PROM1: variants seen among roughly 807,000 people sequenced by gnomAD.
The protein encoded by PROM1 is prominin-1.
PROM1 carries 105 observed loss-of-function variants against 116.9 expected under a neutral mutation model. That is an observed-to-expected ratio of 0.90 (90% confidence interval 0.77 to 1.06). PROM1 has a LOEUF of 1.06. PROM1 is among the 50% of genes least tolerant of loss of function. PROM1 has a pLI of 0.00. For synonymous variants in PROM1, 393 were observed against 387.0 expected, an observed-to-expected ratio of 1.02 and a Z score of -0.18; for missense variants, 1,122 against 1,045.2, an observed-to-expected ratio of 1.07 and a Z score of -1.01.
intron 2 of PROM1, among the ~76,000 whole-genome samples, chr4:16,056,168 C>G (rs1205123642): frequency 6.6e-6 from 1 of 152,170 alleles, no homozygotes; most frequent in African/African-American, 2.4e-5. Context: ...GAGAGTCCAG[C>G]TGGCACAGTC....
At chr4:16,059,000 C>T (rs1739678998) in intron 2 of PROM1, among the ~76,000 whole-genome samples, 1 of 152,180 alleles carries the variant, frequency 6.6e-6, no homozygotes, top group Non-Finnish European at 1.5e-5. Flanking sequence ...CTAAACTCCA[C>T]TGAGTAATAC....
At chr4:15,997,309 CATAT>C (rs143329386) in intron 15 of PROM1, among the ~76,000 whole-genome samples, 97,081 of 142,484 alleles carry the variant, frequency 0.68, 33,060 homozygotes, top group African/African-American at 0.7. Flanking sequence ...GAAATGCAAA[CATAT>C]ATATATATAT....
At chr4:15,992,883 T>A (rs1230139750) in intron 16 of PROM1, among the ~76,000 whole-genome samples, 1 of 152,118 alleles carries the variant, frequency 6.6e-6, no homozygotes, top group Non-Finnish European at 1.5e-5. Context: ...GAACAGTGTT[T>A]AGTTACTTGG....
chr4:16,075,253 T>C (rs1004964626), intron 2 of PROM1, among the ~76,000 whole-genome samples: 3 of 152,192 alleles, frequency 2.0e-5, no homozygotes, highest in African/African-American at 7.2e-5. Context: ...AAAATTTGCA[T>C]ATTGTGGTGG....
intron 2 of PROM1, among the ~76,000 whole-genome samples, chr4:16,069,449 C>G (rs1421123028): frequency 1.3e-5 from 2 of 152,222 alleles, no homozygotes; most frequent in African/African-American, 4.8e-5. Context: ...ACAATGCATA[C>G]TTTTAACGTG....
At chr4:15,982,465 T>C (rs371469580) in intron 23 of PROM1, among the ~76,000 whole-genome samples, 1 of 152,218 alleles carries the variant, frequency 6.6e-6, no homozygotes, top group South Asian at 2.1e-4. Flanking sequence ...CTCAATCCTT[T>C]TGGGGACAAT....
At chr4:15,997,350 C>CACTG (rs1722587192) in intron 15 of PROM1, among the ~76,000 whole-genome samples, 1 of 149,038 alleles carries the variant, frequency 6.7e-6, no homozygotes, top group Non-Finnish European at 1.5e-5. Flanking sequence ...TCTCTTAGCT[C>CACTG]ACTGTGTAGT....
At chr4:16,046,766 C>T (rs189079583) in intron 2 of PROM1, among the ~76,000 whole-genome samples, 101 of 152,326 alleles carry the variant, frequency 6.6e-4, no homozygotes, top group South Asian at 1.0e-3. Context: ...CATCGACTCA[C>T]GGAATCACAC....
chr4:16,070,395 T>C (rs2090499), intron 2 of PROM1, among the ~76,000 whole-genome samples: 119,398 of 152,060 alleles, frequency 0.79, 47,048 homozygotes, highest in Non-Finnish European at 0.82. Flanking sequence ...GAGGGGACTT[T>C]GTTATTATGA....
chr4:16,071,225 C>T (rs940286729), intron 2 of PROM1, among the ~76,000 whole-genome samples: 2 of 152,174 alleles, frequency 1.3e-5, no homozygotes, highest in African/African-American at 4.8e-5. Context: ...TCCACGTACA[C>T]CCTGGCTGAC....
At position 16,008,935 on chromosome 4, in the gene PROM1, A is replaced by C; in HGVS notation, c.1301+14T>G. 1.9e-6 allele frequency: 3 copies of C among 1,564,532 alleles called. No homozygotes were observed. The highest frequency in any genetic ancestry group is 2.6e-6 in the Non-Finnish European group (3 of 1,140,130). ...TTCACTCTCGTAGTTCACCAGCTCC[A>C]AGGAGACACTCACCAGTATGAATCA... is the stretch of plus-strand genomic sequence containing the variant. On this transcript the variant is annotated intron_variant, in intron 12 of 27. Coordinates refer to ENST00000447510, the MANE Select transcript of PROM1 (RefSeq NM_006017.3).
chr4:16,046,713 CTT>C (rs1736633541), intron 2 of PROM1, among the ~76,000 whole-genome samples: 1 of 152,228 alleles, frequency 6.6e-6, no homozygotes, highest in Non-Finnish European at 1.5e-5. Flanking sequence ...AAGCCAGTCA[CTT>C]CAGCTCCAAA....
chr4:16,004,832 T>TTTTCTTC lies in PROM1; in HGVS notation c.1454+1705_1454+1706insGAAGAAA, dbSNP rs1203366908. Among the ~76,000 whole-genome samples, 17 of 122,608 alleles carry TTTTCTTC rather than the reference T, an allele frequency of 1.4e-4. No homozygotes were observed. The South Asian group carries it at 4.3e-3, about 31-fold the overall frequency. 80.4% of individuals were successfully genotyped at this position (122,608 alleles called of 152,430 possible). A position where few individuals can be genotyped will look rare whatever the true frequency, so the allele number is the denominator to read the frequency against. ...CTTTCTTTCTTTCTTTCTTTCTTTT[T>TTTTCTTC]CTTCCTTCCTTCCTTCCTTCCTTCC... On this transcript the variant is annotated intron_variant, in intron 13 of 27. Transcript: ENST00000447510.
intron 15 of PROM1, among the ~76,000 whole-genome samples, chr4:15,995,941 T>C (rs1440805547): frequency 1.3e-5 from 2 of 152,232 alleles, no homozygotes; most frequent in Admixed American, 6.5e-5. Flanking sequence ...TTTTGTATAA[T>C]ATCTCAGGTA....
chr4:15,998,772 G>C (rs1005867606), intron 14 of PROM1, among the ~76,000 whole-genome samples: 1 of 151,990 alleles, frequency 6.6e-6, no homozygotes, highest in Non-Finnish European at 1.5e-5. Context: ...CTGGAGCGCA[G>C]TGGCGCGATC....
chr4:16,000,496 C>A lies in PROM1; in HGVS notation c.1578G>T (p.Arg526=). ...CEPYTSKELF[R]VLDTPYLLNE... The stretch of plus-strand genomic sequence containing the variant: ...ATAATGGGTAGAAAATCATATTTAC[C>A]CGGAATAATTCCTTGCTCGTGTAAG... Residue 526 remains arginine, a splice_region_variant and synonymous_variant, in exon 14 of 28, where the codon CGG becomes CGT. Coordinates refer to ENST00000447510, the MANE Select transcript of PROM1 (RefSeq NM_006017.3). 1 of 1,582,292 alleles carries A rather than the reference C, an allele frequency of 6.3e-7. No individual in the cohort carries two copies. The highest frequency in any genetic ancestry group is 8.7e-7 in the Non-Finnish European group (1 of 1,155,582).
rs755696357 is a variant in PROM1 at position 15,984,270 on chromosome 4, T to C, written c.2366A>G (p.Asp789Gly). 2 of 1,595,812 alleles carry C rather than the reference T, an allele frequency of 1.3e-6. No homozygotes were observed. The highest frequency in any genetic ancestry group is 3.4e-5 in the Admixed American group (2 of 59,064). Reference sequence around the variant, plus strand: ...TGAAAGATGAAATCTTACCAAGGGGTCGATAATGTAGCTACACAGAAAGAC... The same window carrying C: ...TGAAAGATGAAATCTTACCAAGGGGCCGATAATGTAGCTACACAGAAAGAC... ...VDVFLCSYII[D>G]PLNLFWFGIG... Residue 789 changes from aspartate to glycine, a missense_variant, in exon 23 of 28, where the codon GAC (aspartate) becomes GGC (glycine). Coordinates refer to ENST00000447510, the MANE Select transcript of PROM1 (RefSeq NM_006017.3).
intron 1 of PROM1, chr4:16,080,007 T>A (rs1340516873): frequency 1.6e-4 from 2 of 12,646 alleles, no homozygotes; most frequent in Admixed American, 1.1e-3. Context: ...AGGCCCTGTC[T>A]CTACAAAAAA....
chr4:16,001,632 T>A (rs138896417), intron 13 of PROM1, among the ~76,000 whole-genome samples: 1 of 152,126 alleles, frequency 6.6e-6, no homozygotes, highest in Admixed American at 6.5e-5. Context: ...CACCAACCAA[T>A]GTGCTGTCTG....
Sources: gnomAD v4.1 joint callset for allele counts (sites outside exome capture counted in the v4.1 genomes callset) on GRCh38, gnomAD v4.1.1 for gene constraint, MANE v1.5 for transcripts, NCBI Gene and HGNC (gene_info 2026-07-23, HGNC 2026-07-21) for gene names.